The following DNAH3 variants were observed in gnomAD, a reference collection of about 807,000 sequenced individuals.
The protein encoded by DNAH3 is dynein axonemal heavy chain 3.
In DNAH3, 332 loss-of-function variants were observed where a neutral mutation model predicts 432.5. The observed-to-expected ratio is 0.77, with a 90% CI of 0.70 to 0.84. DNAH3 has a LOEUF of 0.84. Ranked by LOEUF, DNAH3 falls within the 40% of genes least tolerant of loss-of-function variation. The pLI is 0.00. For missense variants in DNAH3, 4,861 were observed against 5,114.0 expected, an observed-to-expected ratio of 0.95 and a Z score of 1.51; for synonymous variants, 1,956 against 1,900.2, an observed-to-expected ratio of 1.03 and a Z score of -0.76.
chr16:21,030,443 G>T (rs1199081944), intron 37 of DNAH3, among the ~76,000 whole-genome samples: 1 of 152,140 alleles, frequency 6.6e-6, no homozygotes, highest in African/African-American at 2.4e-5. Context: ...AAATATGATT[G>T]TGCCACCAGG....
At chr16:21,146,173 C>A in intron 1 of DNAH3, 85 bp from the exon 3 acceptor site, 1 of 862,914 alleles carries the variant, frequency 1.2e-6, no homozygotes, top group East Asian at 2.5e-5. Context: ...AAGAGGTCCC[C>A]AGGAAAAGTT....
intron 18 of DNAH3, among the ~76,000 whole-genome samples, chr16:21,089,158 C>T (rs148634081): frequency 3.3e-5 from 5 of 152,242 alleles, no homozygotes; most frequent in Admixed American, 6.5e-5. Flanking sequence ...AGGTCTGGAG[C>T]GAGGGCTCAA....
chr16:21,129,721 A>G (rs2092518003), intron 7 of DNAH3, among the ~76,000 whole-genome samples: 1 of 152,002 alleles, frequency 6.6e-6, no homozygotes, highest in African/African-American at 2.4e-5. Context: ...TGGGCAACAG[A>G]GCAAGGCTCT....
chr16:21,068,654 C>T (rs2090665689), intron 23 of DNAH3, among the ~76,000 whole-genome samples: 1 of 152,162 alleles, frequency 6.6e-6, no homozygotes, highest in Admixed American at 6.5e-5. Flanking sequence ...CATATTCTTG[C>T]CACCTTCAAG....
chr16:21,125,219 T>C (rs1031708671), exon 9 of DNAH3: 12 of 1,612,690 alleles, frequency 7.4e-6, no homozygotes, highest in African/African-American at 2.7e-5. Context: ...AGTGACTTAA[T>C]GACCAGCTCC....
At chr16:21,093,678 T>C (rs1170182143) in intron 18 of DNAH3, among the ~76,000 whole-genome samples, 1 of 152,184 alleles carries the variant, frequency 6.6e-6, no homozygotes, top group Non-Finnish European at 1.5e-5. Context: ...TTTAAGACTT[T>C]CTATAAAAAT....
chr16:21,106,565 C>T (rs752953355), exon 15 of DNAH3: 1 of 1,612,452 alleles, frequency 6.2e-7, no homozygotes, highest in Non-Finnish European at 8.5e-7. Flanking sequence ...AGTTTGAACA[C>T]AGTGACAGCA....
intron 16 of DNAH3, among the ~76,000 whole-genome samples, chr16:21,103,442 A>G (rs991773728): frequency 2.6e-5 from 4 of 152,044 alleles, no homozygotes; most frequent in African/African-American, 9.7e-5. Flanking sequence ...AAACTGCTCT[A>G]AAACATAGTC....
chr16:21,114,579 C>T (rs547988597), intron 12 of DNAH3, among the ~76,000 whole-genome samples: 12 of 152,122 alleles, frequency 7.9e-5, no homozygotes, highest in East Asian at 1.9e-4. Flanking sequence ...AAAAAGTGGG[C>T]GAAGGATATG....
chr16:20,979,006 G>T (rs2085729337), intron 50 of DNAH3, among the ~76,000 whole-genome samples: 1 of 151,842 alleles, frequency 6.6e-6, no homozygotes, highest in South Asian at 2.1e-4. Context: ...TCCCCATAAG[G>T]TGAGACAAGG....
chr16:21,077,678 G>C (rs2152769642), intron 20 of DNAH3, among the ~76,000 whole-genome samples: 1 of 152,214 alleles, frequency 6.6e-6, no homozygotes, highest in South Asian at 2.1e-4. Flanking sequence ...TGGAGATCTG[G>C]GTCCTAAAAC....
At chr16:21,002,441 G>GGTGTTA (rs1555525441) in intron 42 of DNAH3, among the ~76,000 whole-genome samples, 42 of 92,592 alleles carry the variant, frequency 4.5e-4, no homozygotes, top group Non-Finnish European at 7.8e-4. Context: ...ACTATCTGGT[G>GGTGTTA]TTGTTATTAT....
At chr16:20,972,626 G>A (rs1376436672) in intron 51 of DNAH3, among the ~76,000 whole-genome samples, 1 of 151,776 alleles carries the variant, frequency 6.6e-6, no homozygotes, top group Non-Finnish European at 1.5e-5. Flanking sequence ...TATTCATTAT[G>A]TGACTCTGAC....
At chr16:20,947,889 C>G (rs2084122665) in intron 57 of DNAH3, among the ~76,000 whole-genome samples, 3 of 152,132 alleles carry the variant, frequency 2.0e-5, no homozygotes, top group Non-Finnish European at 2.9e-5. Flanking sequence ...AATTCCCCTG[C>G]CTCAGCCTCC....
At chr16:21,112,053 C>G in exon 13 of DNAH3, 1 of 1,613,586 alleles carries the variant, frequency 6.2e-7, no homozygotes, top group Non-Finnish European at 8.5e-7. Context: ...TTTGCTCTGC[C>G]GTGTTATCCA....
intron 25 of DNAH3, among the ~76,000 whole-genome samples, chr16:21,061,931 G>A (rs111457603): frequency 2.0e-5 from 3 of 152,154 alleles, no homozygotes; most frequent in Admixed American, 6.5e-5. Flanking sequence ...CAGTTTATAC[G>A]CGTGGGTGGC....
At chr16:21,039,767 A>C in intron 33 of DNAH3, 85 bp downstream of exon 33, 1 of 1,019,740 alleles carries the variant, frequency 9.8e-7, no homozygotes, top group Non-Finnish European at 1.6e-6. Flanking sequence ...CTCTTCTTCC[A>C]ATGGGCAAAC....
At chr16:20,980,241 A>ATATAATATACAACATATAT (rs2085811619) in intron 49 of DNAH3, among the ~76,000 whole-genome samples, 4 of 97,818 alleles carry the variant, frequency 4.1e-5, no homozygotes, top group Non-Finnish European at 9.5e-5. Flanking sequence ...TATATTATAT[A>ATATAATATACAACATATAT]TATAATATAC....
intron 41 of DNAH3, among the ~76,000 whole-genome samples, chr16:21,008,117 T>G (rs2087406002): frequency 6.6e-6 from 1 of 152,176 alleles, no homozygotes. Context: ...AATTTAAACT[T>G]CTATTATTAC....
Sources: allele counts gnomAD v4.1 joint callset (sites outside exome capture counted in the v4.1 genomes callset), GRCh38; gene constraint gnomAD v4.1.1; transcripts MANE v1.5; gene names NCBI Gene and HGNC (gene_info 2026-07-23, HGNC 2026-07-21).